The following HAVCR1 variants were observed in gnomAD, a reference collection of about 807,000 sequenced individuals.
HAVCR1 encodes the protein hepatitis A virus cellular receptor 1, also known as T cell immunoglobin domain and mucin domain protein 1.
A neutral mutation model predicts 32.0 loss-of-function variants in HAVCR1; 34 were observed. The observed-to-expected ratio is 1.06, with a 90% CI of 0.81 to 1.42. The LOEUF is 1.42. HAVCR1 is among the 40% of genes most tolerant of loss of function. The pLI, the probability that HAVCR1 is intolerant of heterozygous loss-of-function variation, is 0.00. For synonymous variants in HAVCR1, 178 were observed against 170.3 expected, an observed-to-expected ratio of 1.05 and a Z score of -0.35; for missense variants, 420 against 442.3, an observed-to-expected ratio of 0.95 and a Z score of 0.45.
Position 157,055,220 on chromosome 5 carries a change from T to C in HAVCR1, c.360A>G (p.Val120=). ...ACTTACGTGGCACAATCTCCAATGA[T>C]ACGGTGATTTTCATGTCATTGAACC... ...RGWFNDMKIT[V]SLEIVPPKVT... is the part of the protein sequence containing the mutation. Residue 120 remains valine (V), a synonymous_variant, in exon 3 of 9, where the codon GTA becomes GTG. Coordinates refer to ENST00000523175, the MANE Select transcript of HAVCR1 (RefSeq NM_001173393.3). 1.3e-6 allele frequency: 2 copies of C among 1,549,392 alleles called. No individual in the cohort carries two copies. The highest frequency in any genetic ancestry group is 1.8e-6 in the Non-Finnish European group (2 of 1,130,920).
At chr5:157,057,819 T>C (rs1349724839) in intron 2 of HAVCR1, 79 bp downstream of exon 2, 2 of 995,988 alleles carry the variant, frequency 2.0e-6, no homozygotes, top group East Asian at 2.4e-5. Flanking sequence ...CACCATCCCC[T>C]CCCCTTCCCC....
the HAVCR1 span, among the ~76,000 whole-genome samples, chr5:157,066,000 G>A: frequency 1.4e-5 from 2 of 147,138 alleles, no homozygotes; most frequent in Non-Finnish European, 3.0e-5. Flanking sequence ...AGCTTGCAGT[G>A]AGCCGAGATC....
chr5:157,029,613 A>G lies in HAVCR1; in HGVS notation c.*120T>C. The G allele has an allele frequency of 6.5e-7, 1 of 1,546,584 alleles. No homozygotes were observed. The highest frequency in any genetic ancestry group is 8.7e-7 in the Non-Finnish European group (1 of 1,149,460). On this transcript the variant is annotated 3_prime_UTR_variant, in exon 9 of 9. Coordinates refer to ENST00000523175, the MANE Select transcript of HAVCR1 (RefSeq NM_001173393.3). Reference sequence around the variant, plus strand: ...CTACCCAGTATCACTGACATGTTGGAATGCCAGATGAAACTGAAACAGAAA... The same window carrying G: ...CTACCCAGTATCACTGACATGTTGGGATGCCAGATGAAACTGAAACAGAAA...
chr5:157,038,285 T>G (rs974937526), intron 6 of HAVCR1, among the ~76,000 whole-genome samples: 4 of 152,214 alleles, frequency 2.6e-5, no homozygotes, highest in Admixed American at 6.5e-5. Flanking sequence ...CCTCCTGGAA[T>G]AGGCCTGAAA....
At chr5:157,045,831 C>T (rs2113573943) in intron 5 of HAVCR1, among the ~76,000 whole-genome samples, 1 of 152,236 alleles carries the variant, frequency 6.6e-6, no homozygotes, top group Non-Finnish European at 1.5e-5. Context: ...ATGGCAGCAG[C>T]CACACAAATC....
upstream of HAVCR1, among the ~76,000 whole-genome samples, chr5:157,060,392 C>T (rs1330708933): frequency 2.6e-5 from 4 of 152,202 alleles, no homozygotes; most frequent in South Asian, 2.1e-4. Flanking sequence ...AGGCCTTTTC[C>T]GTGGCTGTGT....
upstream of HAVCR1, among the ~76,000 whole-genome samples, chr5:157,060,721 A>G (rs999614815): frequency 6.6e-6 from 1 of 152,054 alleles, no homozygotes; most frequent in Non-Finnish European, 1.5e-5. Context: ...GTGCTCTGAG[A>G]TGTTACATAA....
At chr5:157,044,865 C>T (rs1289304842) in intron 5 of HAVCR1, among the ~76,000 whole-genome samples, 7 of 152,062 alleles carry the variant, frequency 4.6e-5, no homozygotes, top group Admixed American at 3.3e-4. Flanking sequence ...CAGTTCAATG[C>T]TGACAATGTC....
Position 157,032,969 on chromosome 5 carries a change from G to A in HAVCR1, c.953-82C>T, listed in dbSNP as rs571436305. On this transcript the variant is annotated intron_variant, in intron 7 of 8. Coordinates refer to ENST00000523175, the MANE Select transcript of HAVCR1 (RefSeq NM_001173393.3). ...GAGTTTTAATCTTTTTTTCAATCAAGTGTATTATTTCTGTTATTACTTAGA... is the reference window on the plus strand; with the variant it reads ...GAGTTTTAATCTTTTTTTCAATCAAATGTATTATTTCTGTTATTACTTAGA... The A allele has an allele frequency of 3.3e-4, 287 of 871,526 alleles. 2 individuals are homozygous for A. The African/African-American group carries it at 4.7e-3, about 14-fold the overall frequency. The allele number at this position is 871,526 out of a possible 1,614,324, so 54.0% of individuals were successfully genotyped here.
intron 8 of HAVCR1, 60 bp from the exon 9 acceptor site, chr5:157,029,901 A>C (rs1754072150): frequency 7.1e-7 from 1 of 1,416,318 alleles, no homozygotes; most frequent in Non-Finnish European, 9.8e-7. Flanking sequence ...CACTTCTCAC[A>C]TATAAGCTGC....
upstream of HAVCR1, among the ~76,000 whole-genome samples, chr5:157,062,018 G>A (rs1329458881): frequency 6.6e-6 from 1 of 152,158 alleles, no homozygotes; most frequent in Non-Finnish European, 1.5e-5. Context: ...TAGCACAGTG[G>A]ATTTTTTTAA....
At chr5:157,065,171 T>C in the HAVCR1 span, among the ~76,000 whole-genome samples, 11 of 151,942 alleles carry the variant, frequency 7.2e-5, no homozygotes, top group East Asian at 2.1e-3. Flanking sequence ...TACAAAAAAT[T>C]AGCCAGGCGT....
intron 5 of HAVCR1, among the ~76,000 whole-genome samples, chr5:157,047,139 G>A (rs1755447653): frequency 6.6e-6 from 1 of 152,138 alleles, no homozygotes; most frequent in Non-Finnish European, 1.5e-5. Context: ...CCTTTCACCT[G>A]ACAAGGCAGA....
intron 6 of HAVCR1, among the ~76,000 whole-genome samples, chr5:157,039,925 C>T (rs1443892724): frequency 6.6e-6 from 1 of 152,172 alleles, no homozygotes; most frequent in Non-Finnish European, 1.5e-5. Context: ...GTTTCTGCTA[C>T]TGCCAACCTT....
intron 8 of HAVCR1, among the ~76,000 whole-genome samples, chr5:157,031,005 T>TG (rs996998802): frequency 1.8e-4 from 10 of 55,604 alleles, no homozygotes; most frequent in Admixed American, 2.8e-4. Flanking sequence ...TTTGTTAGTG[T>TG]GGGTTTTTTT....
chr5:157,043,421 C>T (rs1581696751), intron 5 of HAVCR1, among the ~76,000 whole-genome samples: 1 of 152,324 alleles, frequency 6.6e-6, no homozygotes, highest in East Asian at 1.9e-4. Flanking sequence ...AACCCAAGCA[C>T]TTTGGGAGTC....
the HAVCR1 span, among the ~76,000 whole-genome samples, chr5:157,069,120 A>G: frequency 1.3e-5 from 2 of 152,158 alleles, no homozygotes; most frequent in Non-Finnish European, 2.9e-5. Context: ...TTTTCCTCCT[A>G]TTTCTCACAC....
chr5:157,068,274 A>C, the HAVCR1 span, among the ~76,000 whole-genome samples: 1 of 151,972 alleles, frequency 6.6e-6, no homozygotes, highest in Non-Finnish European at 1.5e-5. Context: ...ATTCTGTCTC[A>C]AAAAGCAAAA....
At chr5:157,036,097 C>G (rs1387386849) in intron 7 of HAVCR1, among the ~76,000 whole-genome samples, 1 of 152,178 alleles carries the variant, frequency 6.6e-6, no homozygotes, top group Non-Finnish European at 1.5e-5. Context: ...AATCCTAGAA[C>G]TTTGGGAGGC....
Sources: gnomAD v4.1 joint callset for allele counts (sites outside exome capture counted in the v4.1 genomes callset) on GRCh38, gnomAD v4.1.1 for gene constraint, MANE v1.5 for transcripts, NCBI Gene and HGNC (gene_info 2026-07-23, HGNC 2026-07-21) for gene names.